NBEA: variants seen among roughly 807,000 people sequenced by gnomAD.
The protein encoded by NBEA is lysosomal-trafficking regulator 2.
NBEA carries 44 observed loss-of-function variants against 343.4 expected under a neutral mutation model. The observed-to-expected ratio is 0.13, with a 90% CI of 0.10 to 0.16. The LOEUF is 0.16. NBEA is among the 10% of genes least tolerant of loss of function. The pLI is 1.00. For missense variants in NBEA, 2,555 were observed against 3,631.3 expected (o/e 0.70, Z 7.62); for synonymous variants, 1,175 against 1,238.7 (o/e 0.95, Z 1.08).
intron 1 of NBEA, among the ~76,000 whole-genome samples, chr13:35,036,513 C>A (rs1396744398): frequency 2.6e-5 from 4 of 151,980 alleles, no homozygotes; most frequent in African/African-American, 9.7e-5. Context: ...TTCAGGTGAT[C>A]ATTTATTGCT....
chr13:35,250,179 A>G (rs2031783345), intron 34 of NBEA, among the ~76,000 whole-genome samples: 1 of 152,200 alleles, frequency 6.6e-6, no homozygotes, highest in South Asian at 2.1e-4. Flanking sequence ...TGTGTGCTTT[A>G]AAATGGTTAA....
intron 4 of NBEA, among the ~76,000 whole-genome samples, chr13:35,045,825 T>A (rs2062831349): frequency 6.6e-6 from 1 of 152,134 alleles, no homozygotes; most frequent in South Asian, 2.1e-4. Flanking sequence ...CCTCCCGGGT[T>A]CAAGCAATTC....
At chr13:35,232,914 G>C (rs188736148) in intron 34 of NBEA, among the ~76,000 whole-genome samples, 2 of 152,174 alleles carry the variant, frequency 1.3e-5, no homozygotes, top group Admixed American at 1.3e-4. Flanking sequence ...CTGTCATTAA[G>C]ATAACCTGTT....
chr13:35,548,493 A>G (rs973680367), intron 41 of NBEA, among the ~76,000 whole-genome samples: 1 of 152,172 alleles, frequency 6.6e-6, no homozygotes, highest in African/African-American at 2.4e-5. Context: ...AGATACAGGT[A>G]TCTTTCTGAC....
intron 34 of NBEA, among the ~76,000 whole-genome samples, chr13:35,256,923 T>G (rs2032676903): frequency 6.6e-6 from 1 of 152,160 alleles, no homozygotes; most frequent in Non-Finnish European, 1.5e-5. Context: ...GCAGCTGCAG[T>G]TGCACCCGGG....
At chr13:35,178,119 T>C (rs2071043691) in intron 28 of NBEA, among the ~76,000 whole-genome samples, 2 of 151,608 alleles carry the variant, frequency 1.3e-5, no homozygotes, top group Admixed American at 6.6e-5. Context: ...GAGTGAGAGA[T>C]TTTTCACTAT....
At chr13:35,204,436 G>A (rs1408208805) in intron 31 of NBEA, among the ~76,000 whole-genome samples, 1 of 152,092 alleles carries the variant, frequency 6.6e-6, no homozygotes, top group African/African-American at 2.4e-5. Flanking sequence ...AGCAGAAGTG[G>A]AAACCCCTGA....
At chr13:35,079,511 T>C (rs2064277021) in intron 10 of NBEA, among the ~76,000 whole-genome samples, 1 of 152,172 alleles carries the variant, frequency 6.6e-6, no homozygotes. Context: ...AAAGAGAAAC[T>C]GTTTCATTTA....
At chr13:35,036,470 C>T (rs923928910) in intron 1 of NBEA, among the ~76,000 whole-genome samples, 2 of 152,026 alleles carry the variant, frequency 1.3e-5, no homozygotes, top group African/African-American at 4.8e-5. Flanking sequence ...CTGTGTTTTT[C>T]TGTGTACTTA....
At chr13:34,958,096 T>C (rs1291077333) in intron 1 of NBEA, among the ~76,000 whole-genome samples, 1 of 152,128 alleles carries the variant, frequency 6.6e-6, no homozygotes, top group Non-Finnish European at 1.5e-5. Context: ...ATATTGCCTT[T>C]AGGTTATTTT....
In NBEA at chr13:35,508,959, A is replaced by C. The variant is rs2077170354; in HGVS notation, c.6585+36423A>C. Among the ~76,000 whole-genome samples, 4 of 152,284 alleles carry C rather than the reference A, an allele frequency of 2.6e-5. No homozygotes were observed. In the South Asian group the frequency reaches 8.3e-4, roughly 32 times the overall value. ...AGCAATCATGCCCTAATGGGAAAGG[A>C]AGGGGAGCTGGACATGAGTGTCTAC... On this transcript the variant is annotated intron_variant, in intron 41 of 58. Coordinates refer to ENST00000379939, the MANE Select transcript of NBEA (RefSeq NM_001385012.1).
Position 35,519,922 on chromosome 13 carries a change from AC to A in NBEA, c.6586-30554del, listed in dbSNP as rs553853909. 2.0e-3 allele frequency among the ~76,000 whole-genome samples: 306 copies of A among 152,204 alleles called. 1 individual carries two copies. Among genetic ancestry groups the A allele is most frequent in the African/African-American group, 6.4e-3 (266 of 41,534 alleles). ...CATTAACCAAACTCTCTTTATCCCC[AC>A]ACCTCCTTCCCATCCTCTGGTAACT... On this transcript the variant is annotated intron_variant, in intron 41 of 58. Coordinates refer to ENST00000379939, the MANE Select transcript of NBEA (RefSeq NM_001385012.1).
chr13:34,950,287 T>A (rs957023702), intron 1 of NBEA, among the ~76,000 whole-genome samples: 1 of 152,186 alleles, frequency 6.6e-6, no homozygotes, highest in Admixed American at 6.5e-5. Flanking sequence ...AGTCTAGAAT[T>A]GATTGCAGTC....
At position 35,323,316 on chromosome 13, in the gene NBEA, A is replaced by G. The variant is rs2038298083; in HGVS notation, c.5903+13724A>G. Reference sequence around the variant, plus strand: ...ATAGCAAAGACTTGGAACCAACCCAAATGTCCAACAATGATAGACTGGATT... The same window carrying G: ...ATAGCAAAGACTTGGAACCAACCCAGATGTCCAACAATGATAGACTGGATT... On this transcript the variant is annotated intron_variant, in intron 36 of 58. Coordinates refer to ENST00000379939, the MANE Select transcript of NBEA (RefSeq NM_001385012.1). Among the ~76,000 whole-genome samples, 2 of 152,088 alleles carry G rather than the reference A, an allele frequency of 1.3e-5. 1 individual carries two copies. The highest frequency in any genetic ancestry group is 4.8e-5 in the African/African-American group (2 of 41,376).
chr13:35,002,182 G>A (rs2061163372), intron 1 of NBEA, among the ~76,000 whole-genome samples: 2 of 152,168 alleles, frequency 1.3e-5, no homozygotes, highest in African/African-American at 4.8e-5. Context: ...GTTGCAGTTG[G>A]TAGGGAGCTA....
In NBEA at chr13:34,971,790, T is replaced by C. The variant is rs112676684; in HGVS notation, c.294+28676T>C. Among the ~76,000 whole-genome samples the C allele has an allele frequency of 2.6e-3, 398 of 152,182 alleles. 1 individual carries two copies. Among genetic ancestry groups the C allele is most frequent in the African/African-American group, 8.7e-3 (363 of 41,532 alleles). On this transcript the variant is annotated intron_variant, in intron 1 of 58. Transcript: ENST00000379939. ...TTGAGGATTTTTGCATCGATATTCA[T>C]CAAGGATATCAGCTTCAATTTTTCT...
At chr13:35,399,804 A>G (rs2152905739) in intron 38 of NBEA, among the ~76,000 whole-genome samples, 1 of 152,198 alleles carries the variant, frequency 6.6e-6, no homozygotes, top group African/African-American at 2.4e-5. Flanking sequence ...AAAGTCAAAG[A>G]CGTGAGCCTC....
intron 38 of NBEA, among the ~76,000 whole-genome samples, chr13:35,414,449 T>C (rs879194724): frequency 6.6e-6 from 1 of 152,008 alleles, no homozygotes; most frequent in Non-Finnish European, 1.5e-5. Context: ...TGTCATTGTT[T>C]AATTCCCACC....
intron 1 of NBEA, among the ~76,000 whole-genome samples, chr13:35,001,154 G>T (rs1217854785): frequency 6.6e-6 from 1 of 151,958 alleles, no homozygotes; most frequent in East Asian, 1.9e-4. Flanking sequence ...AATAACTAGG[G>T]TAACTGAAGG....
Sources: allele counts gnomAD v4.1 joint callset (sites outside exome capture counted in the v4.1 genomes callset), GRCh38; gene constraint gnomAD v4.1.1; transcripts MANE v1.5; gene names NCBI Gene and HGNC (gene_info 2026-07-23, HGNC 2026-07-21).